The following KCNIP4 variants were observed in gnomAD, a reference collection of about 807,000 sequenced individuals.
KCNIP4 encodes the protein Kv channel-interacting protein 4.
A neutral mutation model predicts 34.0 loss-of-function variants in KCNIP4; 12 were observed. The ratio of observed to expected loss-of-function variants is 0.35; its 90% CI spans 0.23 to 0.57. The LOEUF (loss-of-function observed/expected upper bound fraction) is 0.57. KCNIP4 is among the 20% of genes least tolerant of loss of function. The probability of loss-of-function intolerance (pLI) is 0.83; values close to 1 mark genes in which losing one functional copy is unlikely to be tolerated. For missense variants in KCNIP4, 238 were observed against 311.7 expected, an observed-to-expected ratio of 0.76 and a Z score of 1.78; for synonymous variants, 124 against 102.2, an observed-to-expected ratio of 1.21 and a Z score of -1.29.
At chr4:21,328,876 C>T (rs2109318838) in intron 1 of KCNIP4, among the ~76,000 whole-genome samples, 1 of 152,330 alleles carries the variant, frequency 6.6e-6, no homozygotes, top group South Asian at 2.1e-4. Flanking sequence ...ATGGTGAGTA[C>T]CACCTGGCTA....
Position 21,640,588 on chromosome 4 carries a change from GCCAA to G in KCNIP4, c.61+307979_61+307982del, listed in dbSNP as rs371197288. On this transcript the variant is annotated intron_variant, in intron 1 of 8. Coordinates refer to ENST00000382152, the MANE Select transcript of KCNIP4 (RefSeq NM_025221.6). Reference sequence around the variant, plus strand: ...GGGCCAGCTTCTGATCCATGTTCCAGCCAACCAACCAACCAACCAACCAACCAAA... The same window carrying G: ...GGGCCAGCTTCTGATCCATGTTCCAGCCAACCAACCAACCAACCAACCAAA... 2.1e-3 allele frequency among the ~76,000 whole-genome samples: 320 copies of G among 152,076 alleles called. 1 individual carries two copies. Among genetic ancestry groups the G allele is most frequent in the African/African-American group, 5.7e-3 (238 of 41,506 alleles).
intron 1 of KCNIP4, among the ~76,000 whole-genome samples, chr4:21,773,755 T>TTTTTTG (rs377403469): frequency 0.031 from 4,330 of 137,916 alleles, 106 homozygotes; most frequent in East Asian, 0.071. Flanking sequence ...GTTTTTTTTT[T>TTTTTTG]TTTGTTTGTT....
intron 3 of KCNIP4, among the ~76,000 whole-genome samples, chr4:20,836,144 G>A (rs1291761252): frequency 6.6e-6 from 1 of 152,130 alleles, no homozygotes; most frequent in East Asian, 1.9e-4. Flanking sequence ...CCTGTGCAAT[G>A]AGTCAAATCC....
chr4:21,294,614 G>T (rs1345030408), intron 1 of KCNIP4, among the ~76,000 whole-genome samples: 1 of 152,012 alleles, frequency 6.6e-6, no homozygotes, highest in Non-Finnish European at 1.5e-5. Context: ...TATGTAAAAT[G>T]GTGAGGTCCT....
At chr4:20,994,179 C>T (rs1441312623) in intron 1 of KCNIP4, among the ~76,000 whole-genome samples, 1 of 152,168 alleles carries the variant, frequency 6.6e-6, no homozygotes, top group Non-Finnish European at 1.5e-5. Context: ...TTTACTATTT[C>T]ACAATTCCTG....
intron 1 of KCNIP4, among the ~76,000 whole-genome samples, chr4:21,266,049 A>ATT (rs1761785989): frequency 6.6e-6 from 1 of 152,224 alleles, no homozygotes; most frequent in South Asian, 2.1e-4. Flanking sequence ...AGGTACTATC[A>ATT]GTCCCATTTA....
intron 1 of KCNIP4, among the ~76,000 whole-genome samples, chr4:21,919,819 G>A (rs1728839302): frequency 6.6e-6 from 1 of 152,160 alleles, no homozygotes; most frequent in Non-Finnish European, 1.5e-5. Context: ...TATGAAGCAA[G>A]CAATCAACGC....
intron 1 of KCNIP4, among the ~76,000 whole-genome samples, chr4:21,126,629 A>AAG (rs567231036): frequency 8.4e-5 from 12 of 143,234 alleles, no homozygotes; most frequent in South Asian, 4.3e-4. Context: ...AAAAAAAAAA[A>AAG]AAAGAAAAGA....
chr4:21,847,860 TC>T (rs1438067535), intron 1 of KCNIP4: 2 of 152,106 alleles, frequency 1.3e-5, no homozygotes, highest in Non-Finnish European at 2.9e-5. Flanking sequence ...CTTCTTTGTC[TC>T]TCTTTGCTCA....
intron 1 of KCNIP4, among the ~76,000 whole-genome samples, chr4:21,837,846 C>A (rs1288932344): frequency 6.6e-6 from 1 of 152,058 alleles, no homozygotes; most frequent in Admixed American, 6.6e-5. Context: ...AGTGAAAAGG[C>A]TTTTCTTAGA....
intron 1 of KCNIP4, among the ~76,000 whole-genome samples, chr4:21,469,996 C>G (rs1482634800): frequency 6.6e-6 from 1 of 152,168 alleles, no homozygotes; most frequent in Non-Finnish European, 1.5e-5. Context: ...AACTACGCCA[C>G]AATTGTGGCC....
At chr4:21,633,621 C>A (rs1408742260) in intron 1 of KCNIP4, among the ~76,000 whole-genome samples, 2 of 152,042 alleles carry the variant, frequency 1.3e-5, no homozygotes, top group Non-Finnish European at 2.9e-5. Flanking sequence ...GTTATCCTAC[C>A]TTATTGAATG....
At chr4:20,732,106 T>C (rs759695011) in intron 7 of KCNIP4, 38 bp from the exon 8 acceptor site, 10 of 1,402,966 alleles carry the variant, frequency 7.1e-6, no homozygotes, top group East Asian at 2.3e-5. Context: ...TTTAGACTTA[T>C]CCCTTAATAC....
chr4:20,937,222 CTTTTTTT>C (rs397992488), intron 1 of KCNIP4, among the ~76,000 whole-genome samples: 63 of 45,524 alleles, frequency 1.4e-3, no homozygotes, highest in East Asian at 3.1e-3. Context: ...CCCAAGGAGT[CTTTTTTT>C]TTTTTTTTTT....
At chr4:20,866,299 TTAA>T (rs1289709148) in intron 2 of KCNIP4, among the ~76,000 whole-genome samples, 1 of 151,932 alleles carries the variant, frequency 6.6e-6, no homozygotes, top group Non-Finnish European at 1.5e-5. Flanking sequence ...CATCAAAAAG[TTAA>T]TACGCCACAA....
intron 1 of KCNIP4, among the ~76,000 whole-genome samples, chr4:21,044,261 C>A (rs1013781829): frequency 2.6e-5 from 4 of 152,026 alleles, no homozygotes; most frequent in African/African-American, 9.7e-5. Flanking sequence ...GTTTTCTCAC[C>A]AATAATTACC....
In KCNIP4 at chr4:21,010,039, C is replaced by G. The variant is rs113359824; in HGVS notation, c.62-127330G>C. On this transcript the variant is annotated intron_variant, in intron 1 of 8. Transcript: ENST00000382152. Reference sequence around the variant, plus strand: ...TAGTCCCTGGTGAGGGCCCCACTCTCATGACCTAACCCAACCCTAATTACT... The same window carrying G: ...TAGTCCCTGGTGAGGGCCCCACTCTGATGACCTAACCCAACCCTAATTACT... Among the ~76,000 whole-genome samples the G allele has an allele frequency of 6.7e-3, 1,017 of 152,324 alleles. 14 individuals carry two copies. The highest frequency in any genetic ancestry group is 0.023 in the African/African-American group (970 of 41,562).
At chr4:21,048,972 A>T (rs1314416917) in intron 1 of KCNIP4, among the ~76,000 whole-genome samples, 1 of 107,194 alleles carries the variant, frequency 9.3e-6, no homozygotes, top group East Asian at 2.5e-4. Context: ...TTTTTTTGAG[A>T]CGGAGTCTCG....
intron 5 of KCNIP4, among the ~76,000 whole-genome samples, chr4:20,741,294 A>G (rs1356160959): frequency 6.6e-6 from 1 of 152,046 alleles, no homozygotes; most frequent in Non-Finnish European, 1.5e-5. Context: ...CGTCACACTT[A>G]TTCCAAAATT....
Sources: allele counts gnomAD v4.1 joint callset (sites outside exome capture counted in the v4.1 genomes callset), GRCh38; gene constraint gnomAD v4.1.1; transcripts MANE v1.5; gene names NCBI Gene and HGNC (gene_info 2026-07-23, HGNC 2026-07-21).